COL9A2: variants seen among roughly 807,000 people sequenced by gnomAD.
COL9A2 encodes collagen type IX alpha 2 chain.
In COL9A2, 66 loss-of-function variants were observed where a neutral mutation model predicts 111.6. That is an observed-to-expected ratio of 0.59 (90% CI 0.48 to 0.73). The LOEUF (loss-of-function observed/expected upper bound fraction) is 0.73, where lower values mean the gene tolerates loss of function less well. Among genes scored for constraint, COL9A2 ranks in the 30% least tolerant of loss-of-function variants. COL9A2 has a pLI of 0.00. For missense variants in COL9A2, 881 were observed against 954.1 expected (o/e 0.92, Z 1.01); for synonymous variants, 353 against 364.1 (o/e 0.97, Z 0.35).
In COL9A2 at chr1:40,314,200, C is replaced by T; in HGVS notation, c.249+5G>A. ...CCCTGCCCCACCCGACACTCAGCTA[C>T]TCACATCAATCCCGGGCTTCCCGTC... On this transcript the variant is annotated splice_donor_5th_base_variant and intron_variant, in intron 4 of 31. Transcript: ENST00000372748. This position sits in a 1 kb window ranked among gnomAD's most constrained non-coding sequence, Gnocchi z 4.1. 6.2e-7 allele frequency: 1 copy of T among 1,614,200 alleles called. No homozygotes were observed. The highest frequency in any genetic ancestry group is 1.1e-5 in the South Asian group (1 of 91,092).
Position 40,307,863 on chromosome 1 carries a change from G to T in COL9A2, c.901-107C>A. ...AGCTGCAGTGTGCAGGGAGGGAGTGGCTCTGGTCATCCCAGGAAGCCCCAC... is the reference window on the plus strand; with the variant it reads ...AGCTGCAGTGTGCAGGGAGGGAGTGTCTCTGGTCATCCCAGGAAGCCCCAC... On this transcript the variant is annotated intron_variant, in intron 17 of 31. Coordinates refer to ENST00000372748, the MANE Select transcript of COL9A2 (RefSeq NM_001852.4). This position sits in a 1 kb window ranked among gnomAD's most constrained non-coding sequence, Gnocchi z 4.8. 2 of 1,252,102 alleles carry T rather than the reference G, an allele frequency of 1.6e-6. No homozygotes were observed. Among genetic ancestry groups the T allele is most frequent in the Non-Finnish European group, 2.3e-6 (2 of 867,652 alleles). The allele number at this position is 1,252,102 out of a possible 1,614,324, so 77.6% of individuals were successfully genotyped here.
rs745501775 is a variant in COL9A2 at position 40,311,599 on chromosome 1, C to A, written c.472-52G>T. 2 of 1,613,884 alleles carry A rather than the reference C, an allele frequency of 1.2e-6. No individual in the cohort carries two copies. The highest frequency in any genetic ancestry group is 1.7e-6 in the Non-Finnish European group (2 of 1,179,816). ...TGGCCTGACCCTTTCCCGCCGCAGG[C>A]TTGCTCAAAGACCCTTCTCCTTCCC... On this transcript the variant is annotated intron_variant, in intron 9 of 31. Coordinates refer to ENST00000372748, the MANE Select transcript of COL9A2 (RefSeq NM_001852.4). This position sits in a 1 kb window ranked among gnomAD's most constrained non-coding sequence, Gnocchi z 5.1.
chr1:40,301,159 C>A lies in COL9A2; in HGVS notation c.*23G>T, dbSNP rs1316098519. On this transcript the variant is annotated 3_prime_UTR_variant, in exon 32 of 32. Transcript: ENST00000372748. ...TGGTCCTTCCCGCCAGGATGCCTGCCAGGCTCTGTCTGGGCCTGATGCTCA... is the reference window on the plus strand; with the variant it reads ...TGGTCCTTCCCGCCAGGATGCCTGCAAGGCTCTGTCTGGGCCTGATGCTCA... 6.2e-7 allele frequency: 1 copy of A among 1,612,274 alleles called. No homozygotes were observed. Among genetic ancestry groups the A allele is most frequent in the East Asian group, 2.2e-5 (1 of 44,864 alleles).
chr1:40,304,771 G>C, intron 22 of COL9A2, 23 bp downstream of exon 22: 1 of 1,547,390 alleles, frequency 6.5e-7, no homozygotes, highest in South Asian at 1.2e-5. Context: ...CCCCGGGGAG[G>C]GGCCATTGTG....
Position 40,301,379 on chromosome 1 carries a change from G to C in COL9A2, c.1873C>G (p.Leu625Val). 1 of 1,608,044 alleles carries C rather than the reference G, an allele frequency of 6.2e-7. No individual in the cohort carries two copies. The highest frequency in any genetic ancestry group is 8.5e-7 in the Non-Finnish European group (1 of 1,176,368). The change falls in exon 32 of 32, where the codon CTC becomes GTC. Residue 625 changes from leucine (L) to valine (V), a missense_variant and splice_region_variant. Coordinates refer to ENST00000372748, the MANE Select transcript of COL9A2 (RefSeq NM_001852.4). ...ATTGCCTGGCCAGGCCGGCCAGGGA[G>C]TCCTGTGAACAGGAGAAAGTCAAGA... ...GMPGPPGIPGLPGRPGQAING... is the reference protein window; with the variant it reads ...GMPGPPGIPGVPGRPGQAING...
intron 4 of COL9A2, among the ~76,000 whole-genome samples, chr1:40,313,798 T>G (rs1287450705): frequency 6.6e-6 from 1 of 152,060 alleles, no homozygotes; most frequent in African/African-American, 2.4e-5. Flanking sequence ...ATCAGCTAAA[T>G]GATGTTTCTC....
rs201243011 is a variant in COL9A2 at position 40,317,188 on chromosome 1, C to A, written c.10G>T (p.Ala4Ser). MAA[A>S]TASPRSLLVL... ...AGGAGGCTGCGGGGGGAGGCCGTAGCGGCGGCCATGGCTGGCGGCGAGACC... is the reference window on the plus strand; with the variant it reads ...AGGAGGCTGCGGGGGGAGGCCGTAGAGGCGGCCATGGCTGGCGGCGAGACC... Residue 4 changes from alanine (A) to serine (S), a missense_variant, in exon 1 of 32, where the codon GCT becomes TCT. By Grantham distance (99) the Ala-to-Ser change is moderately conservative (BLOSUM62 1). Transcript: ENST00000372748. This position sits in a 1 kb window ranked among gnomAD's most constrained non-coding sequence, Gnocchi z 4.3. 1 of 1,581,156 alleles carries A rather than the reference C, an allele frequency of 6.3e-7. No homozygotes were observed.
Position 40,311,886 on chromosome 1 carries a change from C to T in COL9A2, c.418-171G>A, listed in dbSNP as rs987438882. 5.3e-5 allele frequency among the ~76,000 whole-genome samples: 8 copies of T among 152,172 alleles called. No individual in the cohort carries two copies. The highest frequency in any genetic ancestry group is 8.8e-5 in the Non-Finnish European group (6 of 68,030). On this transcript the variant is annotated intron_variant, in intron 8 of 31. Coordinates refer to ENST00000372748, the MANE Select transcript of COL9A2 (RefSeq NM_001852.4). The surrounding 1 kb of genome is among the most constrained non-coding windows in gnomAD (Gnocchi z 5.1). ...GATTGACAGGGGATGGGGCCAGCGGCGTCCCTAAAAGACCTAGTGCCGGGT... is the reference window on the plus strand; with the variant it reads ...GATTGACAGGGGATGGGGCCAGCGGTGTCCCTAAAAGACCTAGTGCCGGGT...
Position 40,311,130 on chromosome 1 carries a change from C to T in COL9A2, c.593G>A (p.Arg198His), listed in dbSNP as rs759781792. 20 of 1,614,110 alleles carry T rather than the reference C, an allele frequency of 1.2e-5. No homozygotes were observed. The African/African-American group carries it at 1.9e-4, about 15-fold the overall frequency. The change falls in exon 12 of 32, where the codon CGC becomes CAC. Residue 198 changes from arginine to histidine, a missense_variant. By Grantham distance (29) the Arg-to-His change is conservative. Transcript: ENST00000372748. The surrounding 1 kb of genome is among the most constrained non-coding windows in gnomAD (Gnocchi z 5.1). ...LQGVKGHAGK[R>H]GILGDPGHQG... is the part of the protein sequence containing the mutation. ...GTGGCCAGGATCACCCAGAATCCCG[C>T]GTTTGCCCGCATGCCCCTGAAGGGA... is the stretch of plus-strand genomic sequence containing the variant.
rs187863974 is a variant in COL9A2 at position 40,307,373 on chromosome 1, C to T, written c.1008+73G>A. On this transcript the variant is annotated intron_variant, in intron 19 of 31. Transcript: ENST00000372748. This position sits in a 1 kb window ranked among gnomAD's most constrained non-coding sequence, Gnocchi z 4.8. Reference sequence around the variant, plus strand: ...AGAGGTGGTGATTGAGCAAGAGCCCCGGGTGTGTGTGGATTCTAACCTCAT... The same window carrying T: ...AGAGGTGGTGATTGAGCAAGAGCCCTGGGTGTGTGTGGATTCTAACCTCAT... 5.0e-4 allele frequency: 721 copies of T among 1,433,956 alleles called. 1 individual carries two copies. The highest frequency in any genetic ancestry group is 1.5e-3 in the Middle Eastern group (8 of 5,476). 88.8% of individuals were successfully genotyped at this position (1,433,956 alleles called of 1,614,324 possible).
In COL9A2 at chr1:40,302,009, G is replaced by A. The variant is rs938336387; in HGVS notation, c.1793-120C>T. 1 of 989,766 alleles carries A rather than the reference G, an allele frequency of 1.0e-6. No homozygotes were observed. The highest frequency in any genetic ancestry group is 2.6e-5 in the East Asian group (1 of 38,354). 61.3% of individuals were successfully genotyped at this position (989,766 alleles called of 1,614,324 possible). A position where few individuals can be genotyped will look rare whatever the true frequency, so the allele number is the denominator to read the frequency against. On this transcript the variant is annotated intron_variant, in intron 30 of 31. Coordinates refer to ENST00000372748, the MANE Select transcript of COL9A2 (RefSeq NM_001852.4). This position sits in a 1 kb window ranked among gnomAD's most constrained non-coding sequence, Gnocchi z 4.5. ...TTGTGCTAGTTTGTAATAGAGGAAA[G>A]TTGGAAATGGTCACGCAGGGCTTGT...
rs72944930 is a variant in COL9A2 at position 40,312,895 on chromosome 1, C to T, written c.250-111G>A. ...GGTGGGCCGAGGCTCCTTTTTGCCACACCTCATGAAGGCCTAGGAACCTCC... is the reference window on the plus strand; with the variant it reads ...GGTGGGCCGAGGCTCCTTTTTGCCATACCTCATGAAGGCCTAGGAACCTCC... On this transcript the variant is annotated intron_variant, in intron 4 of 31. Transcript: ENST00000372748. The surrounding 1 kb of genome is among the most constrained non-coding windows in gnomAD (Gnocchi z 6.0). 67,644 of 900,826 alleles carry T rather than the reference C, an allele frequency of 0.075. 3,995 individuals carry two copies. Among genetic ancestry groups the T allele is most frequent in the African/African-American group, 0.22 (13,437 of 59,992 alleles). 55.8% of individuals were successfully genotyped at this position (900,826 alleles called of 1,614,324 possible).
rs752584833 is a variant in COL9A2, at chr1:40,308,192, C to G, written c.900G>C (p.Thr300=). The G allele has an allele frequency of 4.3e-6, 7 of 1,614,012 alleles. No homozygotes were observed. The highest frequency in any genetic ancestry group is 5.9e-6 in the Non-Finnish European group (7 of 1,180,016). ...PQGITGPKGA[T]GPPGINGKDG... ...GTGGGCCTAGGCCTCTGGCACCTAC[C>G]GTTGCTCCTTTCGGGCCTGTGATCC... Residue 300 remains threonine, a splice_region_variant and synonymous_variant, in exon 17 of 32, where the codon ACG becomes ACC. Transcript: ENST00000372748.
At chr1:40,313,079 CATGGGTCAAG>C in intron 4 of COL9A2, among the ~76,000 whole-genome samples, 1 of 152,232 alleles carries the variant, frequency 6.6e-6, no homozygotes, top group Non-Finnish European at 1.5e-5. Context: ...AAGACCTAGC[CATGGGTCAAG>C]ATTGGTCATT....
Position 40,304,081 on chromosome 1 carries a change from C to A in COL9A2, c.1306G>T (p.Gly436Trp). ...KGDKGSPGKT[G>W]PRGKVGDPGV... Reference sequence around the variant, plus strand: ...GAACTCACCACTTTGCCGCGGGGCCCGGTCTTCCCTGGGGAGCCCTGGAGA... The same window carrying A: ...GAACTCACCACTTTGCCGCGGGGCCAGGTCTTCCCTGGGGAGCCCTGGAGA... Residue 436 changes from glycine (G) to tryptophan (W), a missense_variant, in exon 25 of 32, where the codon GGG (glycine) becomes TGG (tryptophan). By Grantham distance (184) the Gly-to-Trp change is radical. Coordinates refer to ENST00000372748, the MANE Select transcript of COL9A2 (RefSeq NM_001852.4). The A allele has an allele frequency of 6.4e-7, 1 of 1,572,578 alleles. No homozygotes were observed.
In COL9A2 at chr1:40,304,829, C is replaced by T; in HGVS notation, c.1126G>A (p.Gly376Arg). Residue 376 changes from glycine to arginine, a missense_variant, in exon 22 of 32, where the codon GGA becomes AGA. Physicochemically the swap from Gly to Arg is moderately radical, Grantham distance 125. Coordinates refer to ENST00000372748, the MANE Select transcript of COL9A2 (RefSeq NM_001852.4). ...ATGATGCCCTGGGGACCAATTTCTC[C>T]TCGAGGCCCTGGCTCTCCCTGGAGG... ...PGKEGEPGPRGEIGPQGIMGQ... is the reference protein window; with the variant it reads ...PGKEGEPGPRREIGPQGIMGQ... 6.4e-7 allele frequency: 1 copy of T among 1,550,790 alleles called. No individual in the cohort carries two copies. The highest frequency in any genetic ancestry group is 8.7e-7 in the Non-Finnish European group (1 of 1,146,942).
At chr1:40,304,229 T>A in intron 24 of COL9A2, 91 bp downstream of exon 24, 1 of 1,528,998 alleles carries the variant, frequency 6.5e-7, no homozygotes, top group Non-Finnish European at 8.8e-7. Flanking sequence ...ATCCGCAGGT[T>A]TGGAGGCTCC....
chr1:40,309,078 C>T (rs1462718578), intron 16 of COL9A2, among the ~76,000 whole-genome samples: 1 of 152,100 alleles, frequency 6.6e-6, no homozygotes, highest in Non-Finnish European at 1.5e-5. Context: ...CCTGTCTCTA[C>T]TAAAAATACA....
In COL9A2 at chr1:40,303,499, G is replaced by A. The variant is rs1643948925; in HGVS notation, c.1548+31C>T. ...CACCCCAGAACAGATCTACCTAGAAGAAGCACCTCCTACCCCGGGGCCCGA... is the reference window on the plus strand; with the variant it reads ...CACCCCAGAACAGATCTACCTAGAAAAAGCACCTCCTACCCCGGGGCCCGA... On this transcript the variant is annotated intron_variant, in intron 28 of 31. Transcript: ENST00000372748. This position sits in a 1 kb window ranked among gnomAD's most constrained non-coding sequence, Gnocchi z 4.6. The A allele has an allele frequency of 6.2e-7, 1 of 1,612,454 alleles. No homozygotes were observed. Among genetic ancestry groups the A allele is most frequent in the Non-Finnish European group, 8.5e-7 (1 of 1,179,826 alleles).
Sources: allele counts gnomAD v4.1 joint callset (sites outside exome capture counted in the v4.1 genomes callset), GRCh38; gene constraint gnomAD v4.1.1; non-coding constraint Gnocchi (gnomAD v3.1); transcripts MANE v1.5; gene names NCBI Gene and HGNC (gene_info 2026-07-23, HGNC 2026-07-21).